The following ZNF630 variants were observed in gnomAD, a reference collection of about 807,000 sequenced individuals.
ZNF630 encodes the protein dJ54B20.2 (novel KRAB box containing C2H2 type zinc finger protein).
A neutral mutation model predicts 7.2 loss-of-function variants in ZNF630; 5 were observed. The observed-to-expected ratio is 0.70, with a 90% confidence interval of 0.36 to 1.46. ZNF630 has a LOEUF of 1.46. Ranked by LOEUF, ZNF630 falls within the 40% of genes most tolerant of loss-of-function variation. The pLI is 0.03. For missense variants in ZNF630, 461 were observed against 477.0 expected (o/e 0.97, Z 0.31); for synonymous variants, 158 against 162.8 (o/e 0.97, Z 0.23).
intron 2 of ZNF630, among the ~76,000 whole-genome samples, chrX:48,063,685 C>T (rs887844262): frequency 4.5e-5 from 5 of 110,363 alleles, no homozygotes; most frequent in African/African-American, 1.7e-4. Flanking sequence ...GTCAGGAGTT[C>T]GAGACCAGCC....
intron 1 of ZNF630, among the ~76,000 whole-genome samples, chrX:48,069,841 G>GTTTTTTT (rs1210374790): frequency 1.2e-4 from 5 of 41,107 alleles, no homozygotes; most frequent in African/African-American, 2.4e-4. Context: ...GACATTGTCT[G>GTTTTTTT]TTTTTTTTTT....
At position 48,066,933 on chromosome X, in the gene ZNF630, AAG is replaced by A. The variant is rs1556910168; in HGVS notation, c.-49_-48del. 1.7e-6 allele frequency: 2 copies of A among 1,190,303 alleles called. No homozygotes were observed. Among genetic ancestry groups the A allele is most frequent in the Non-Finnish European group, 1.1e-6 (1 of 878,576 alleles). Reference sequence around the variant, plus strand: ...CAGTTGGGGGCGGGGTGGGGTGCAGAAGAGTCTTCGGAGATCAAGCTGAGTTA... The same window carrying A: ...CAGTTGGGGGCGGGGTGGGGTGCAGAAGTCTTCGGAGATCAAGCTGAGTTA... On this transcript the variant is annotated 5_prime_UTR_variant, in exon 2 of 5. Coordinates refer to ENST00000276054, the MANE Select transcript of ZNF630 (RefSeq NM_001282201.2).
chrX:48,066,918 C>T lies in ZNF630; in HGVS notation c.-32G>A, dbSNP rs2059133551. 4.2e-6 allele frequency: 5 copies of T among 1,196,340 alleles called. No homozygotes were observed. Among genetic ancestry groups the T allele is most frequent in the East Asian group, 3.0e-5 (1 of 33,499 alleles). ...TTTCTCTTTGGAAAGCAGTTGGGGG[C>T]GGGGTGGGGTGCAGAAGAGTCTTCG... On this transcript the variant is annotated 5_prime_UTR_variant, in exon 2 of 5. Transcript: ENST00000276054.
At position 48,058,486 on chromosome X, in the gene ZNF630, G is replaced by A. The variant is rs1556908182; in HGVS notation, c.1956C>T (p.Asp652=). The A allele has an allele frequency of 1.7e-6, 2 of 1,178,579 alleles. No homozygotes were observed. The highest frequency in any genetic ancestry group is 3.0e-5 in the East Asian group (1 of 33,397). ...FTGHQNPYRK[D]TLYIC is the part of the protein sequence containing the mutation. ...CCCACAATCAGCATATATACAAGGTGTCTTTCCTATATGGATTCTGATGCC... is the reference window on the plus strand; with the variant it reads ...CCCACAATCAGCATATATACAAGGTATCTTTCCTATATGGATTCTGATGCC... Residue 652 remains aspartate, a synonymous_variant, in exon 5 of 5, where the codon GAC becomes GAT. Transcript: ENST00000276054.
In ZNF630 at chrX:48,057,803, C is replaced by T. The variant is rs1556908030; in HGVS notation, c.*665G>A. 9.0e-6 allele frequency among the ~76,000 whole-genome samples: 1 copy of T among 110,994 alleles called. No homozygotes were observed. Among genetic ancestry groups the T allele is most frequent in the Non-Finnish European group, 1.9e-5 (1 of 52,948 alleles). ...AGGTGCTGTGGCTCATGCCTGTAAT[C>T]CCAGCACTTTGGGAAGCCGAAGTGG... On this transcript the variant is annotated 3_prime_UTR_variant, in exon 5 of 5. Transcript: ENST00000276054.
intron 4 of ZNF630, 65 bp from the exon 5 acceptor site, chrX:48,060,268 CACACACACACACACACACAA>C (rs2059098474): frequency 5.5e-6 from 5 of 906,618 alleles, no homozygotes; most frequent in African/African-American, 2.1e-5. Context: ...CACACACACA[CACACACACACACACACACAA>C]AACAGTTGGC....
In ZNF630 at chrX:48,060,824, G is replaced by A. The variant is rs2059101852; in HGVS notation, c.137C>T (p.Ser46Phe). 3.3e-6 allele frequency: 4 copies of A among 1,197,462 alleles called. No individual in the cohort carries two copies. The highest frequency in any genetic ancestry group is 2.3e-4 in the Middle Eastern group (1 of 4,306). The change falls in exon 3 of 5, where the codon TCC becomes TTC. Residue 46 changes from serine to phenylalanine, a missense_variant. Transcript: ENST00000276054. ...CACAGGGAATCTGCCCTTACCCACG[G>A]AGACCAGGTGATTATAGGTCTCCAG... is the stretch of plus-strand genomic sequence containing the variant. ...VMLETYNHLVSVGCSGIKPDV... is the reference protein window; with the variant it reads ...VMLETYNHLVFVGCSGIKPDV...
In ZNF630 at chrX:48,060,254, C is replaced by T; in HGVS notation, c.239-51G>A. On this transcript the variant is annotated intron_variant, in intron 4 of 4. Transcript: ENST00000276054. ...TCAAATACACACACACACACACACA[C>T]ACACACACACACACACACACACACA... 8.7e-6 allele frequency: 7 copies of T among 802,224 alleles called. No homozygotes were observed. In the East Asian group the frequency reaches 1.8e-4, roughly 20 times the overall value. 66.1% of individuals were successfully genotyped at this position (802,224 alleles called of 1,213,427 possible).
chrX:48,061,014 G>A, intron 2 of ZNF630, 69 bp from the exon 3 acceptor site: 1 of 1,024,891 alleles, frequency 9.8e-7, no homozygotes, highest in South Asian at 2.9e-5. Context: ...CATGTAGGAT[G>A]CCTACTTTGC....
In ZNF630 at chrX:48,060,032, C is replaced by T. The variant is rs188497824; in HGVS notation, c.410G>A (p.Arg137Lys). 1.7e-6 allele frequency: 2 copies of T among 1,205,395 alleles called. No homozygotes were observed. The highest frequency in any genetic ancestry group is 3.5e-5 in the African/African-American group (2 of 56,619). ...RYQGNQDRVL[R>K]QVTVISRETL... ...TTCACGACTGATGACTGTGACCTGC[C>T]TCAAAACTCTGTCTTGATTTCCTTG... is the stretch of plus-strand genomic sequence containing the variant. Residue 137 changes from arginine (R) to lysine (K), a missense_variant, in exon 5 of 5, where the codon AGG becomes AAG. Transcript: ENST00000276054.
intron 2 of ZNF630, among the ~76,000 whole-genome samples, chrX:48,065,478 AGG>A (rs1556909919): frequency 1.9e-3 from 126 of 66,464 alleles, no homozygotes; most frequent in Middle Eastern, 6.3e-3. Flanking sequence ...AGAGAGAGAG[AGG>A]GAGGGAGGGA....
intron 2 of ZNF630, among the ~76,000 whole-genome samples, chrX:48,062,666 G>A (rs782003580): frequency 9.0e-6 from 1 of 111,687 alleles, no homozygotes; most frequent in African/African-American, 3.3e-5. Flanking sequence ...CCCAGGAGGC[G>A]GAGGATGCAG....
Position 48,066,943 on chromosome X carries a change from G to A in ZNF630, c.-57C>T, listed in dbSNP as rs189081591. 4.6e-5 allele frequency: 53 copies of A among 1,164,479 alleles called. No homozygotes were observed. The East Asian group carries it at 1.1e-3, about 24-fold the overall frequency. On this transcript the variant is annotated 5_prime_UTR_variant, in exon 2 of 5. Transcript: ENST00000276054. ...CGGGGTGGGGTGCAGAAGAGTCTTC[G>A]GAGATCAAGCTGAGTTAACCACTCT...
intron 2 of ZNF630, among the ~76,000 whole-genome samples, chrX:48,061,987 T>C (rs187278059): frequency 8.9e-6 from 1 of 111,837 alleles, no homozygotes; most frequent in African/African-American, 3.3e-5. Flanking sequence ...TTTTTAAACA[T>C]GTAAAAAGAT....
chrX:48,067,012 T>C lies in ZNF630; in HGVS notation c.-126A>G. The C allele has an allele frequency of 6.5e-6, 5 of 771,383 alleles. No individual in the cohort carries two copies. The highest frequency in any genetic ancestry group is 5.8e-6 in the Non-Finnish European group (3 of 518,453). 63.6% of individuals were successfully genotyped at this position (771,383 alleles called of 1,213,427 possible). A position where few individuals can be genotyped will look rare whatever the true frequency, so the allele number is the denominator to read the frequency against. ...AATGTGTTGCTTGTTAATTCATTGA[T>C]GACTTGTGTTTCTCATCTGACTCGG... On this transcript the variant is annotated 5_prime_UTR_variant, in exon 2 of 5. Coordinates refer to ENST00000276054, the MANE Select transcript of ZNF630 (RefSeq NM_001282201.2).
rs1056844015 is a variant in ZNF630 at position 48,062,616 on chromosome X, C to T, written c.16-1671G>A. ...GAGCATGGTGGTGCATGCCTGTAGT[C>T]CCAGCTACTCAGGCGGCTGAGGCAG... On this transcript the variant is annotated intron_variant, in intron 2 of 4. Transcript: ENST00000276054. 3.6e-5 allele frequency among the ~76,000 whole-genome samples: 4 copies of T among 111,765 alleles called. No individual in the cohort carries two copies. In the East Asian group the frequency reaches 1.1e-3, roughly 32 times the overall value.
chrX:48,058,478 T>C lies in ZNF630; in HGVS notation c.1964A>G (p.Tyr655Cys), dbSNP rs199634264. The C allele has an allele frequency of 1.2e-4, 138 of 1,170,293 alleles. No individual in the cohort carries two copies. The East Asian group carries it at 3.9e-3, about 33-fold the overall frequency. The change falls in exon 5 of 5, where the codon TAT (tyrosine) becomes TGT (cysteine). Residue 655 changes from tyrosine (Y) to cysteine (C), a missense_variant. Physicochemically the swap from Tyr to Cys is radical, Grantham distance 194. Transcript: ENST00000276054. ...HQNPYRKDTLYIC is the reference protein window; with the variant it reads ...HQNPYRKDTLCIC ...TAGGCCTTCCCACAATCAGCATATA[T>C]ACAAGGTGTCTTTCCTATATGGATT...
In ZNF630 at chrX:48,058,931, A is replaced by G. The variant is rs2059084740; in HGVS notation, c.1511T>C (p.Ile504Thr). The change falls in exon 5 of 5, where the codon ATA becomes ACA. Residue 504 changes from isoleucine to threonine, a missense_variant. By Grantham distance (89) the Ile-to-Thr change is moderately conservative. Transcript: ENST00000276054. Reference protein sequence around the residue: ...KSFSQKSPLIIHQRIHTGEKP... With the variant: ...KSFSQKSPLITHQRIHTGEKP... Reference sequence around the variant, plus strand: ...CTCCCCTGTATGAATTCTCTGGTGTATGATAAGAGGTGATTTCTGAGAGAA... The same window carrying G: ...CTCCCCTGTATGAATTCTCTGGTGTGTGATAAGAGGTGATTTCTGAGAGAA... The G allele has an allele frequency of 8.3e-7, 1 of 1,208,558 alleles. No individual in the cohort carries two copies.
At chrX:48,066,492 A>G (rs2059132035) in intron 2 of ZNF630, 1 of 158,064 alleles carries the variant, frequency 6.3e-6, no homozygotes, top group Admixed American at 8.1e-5. Context: ...CAGTCTCTTT[A>G]GAACAACTAC....
Sources: gnomAD v4.1 joint callset for allele counts (sites outside exome capture counted in the v4.1 genomes callset) on GRCh38, gnomAD v4.1.1 for gene constraint, MANE v1.5 for transcripts, NCBI Gene and HGNC (gene_info 2026-07-23, HGNC 2026-07-21) for gene names.